PRKG1: variants seen among roughly 807,000 people sequenced by gnomAD.
The protein encoded by PRKG1 is cGMP-dependent protein kinase 1.
In PRKG1, 35 loss-of-function variants were observed where a neutral mutation model predicts 88.1. The ratio of observed to expected loss-of-function variants is 0.40; its 90% CI spans 0.30 to 0.53. The LOEUF (loss-of-function observed/expected upper bound fraction) is 0.53. Ranked by LOEUF, PRKG1 falls within the 20% of genes least tolerant of loss-of-function variation. The pLI, the probability that PRKG1 is intolerant of heterozygous loss-of-function variation, is 0.59. For missense variants in PRKG1, 540 were observed against 839.8 expected (o/e 0.64, Z 4.41); for synonymous variants, 303 against 292.5 (o/e 1.04, Z -0.37).
At chr10:51,964,277 G>A (rs528009874) in intron 5 of PRKG1, among the ~76,000 whole-genome samples, 2 of 152,134 alleles carry the variant, frequency 1.3e-5, no homozygotes, top group Admixed American at 6.6e-5. Flanking sequence ...GTAAAGTAAC[G>A]TGCATAGGTT....
At chr10:51,752,008 T>G (rs1051934000) in intron 3 of PRKG1, among the ~76,000 whole-genome samples, 12 of 152,178 alleles carry the variant, frequency 7.9e-5, no homozygotes, top group African/African-American at 2.4e-4. Flanking sequence ...AGTACAAACT[T>G]TTTTTACTGA....
At chr10:51,319,405 C>T (rs1479163286) in intron 2 of PRKG1, among the ~76,000 whole-genome samples, 6 of 152,162 alleles carry the variant, frequency 3.9e-5, no homozygotes, top group Admixed American at 2.0e-4. Flanking sequence ...CAATTTTTGG[C>T]CTGCTTTGTG....
chr10:52,054,401 T>C, intron 5 of PRKG1, 83 bp from the exon 6 acceptor site: 4 of 960,590 alleles, frequency 4.2e-6, no homozygotes, highest in Non-Finnish European at 6.6e-6. Context: ...AATATATCCC[T>C]GGGGGTTGAT....
chr10:51,169,435 A>G (rs755082850), intron 2 of PRKG1, among the ~76,000 whole-genome samples: 1 of 152,130 alleles, frequency 6.6e-6, no homozygotes, highest in Non-Finnish European at 1.5e-5. Flanking sequence ...TTGATATTTC[A>G]GCACCATTAG....
chr10:52,129,806 T>G (rs1837206992), intron 7 of PRKG1, among the ~76,000 whole-genome samples: 1 of 152,180 alleles, frequency 6.6e-6, no homozygotes, highest in African/African-American at 2.4e-5. Context: ...CTGGTTCTAT[T>G]AACAAGTAAA....
At chr10:51,942,905 C>G (rs1044663340) in intron 5 of PRKG1, among the ~76,000 whole-genome samples, 1 of 151,004 alleles carries the variant, frequency 6.6e-6, no homozygotes, top group Non-Finnish European at 1.5e-5. Flanking sequence ...CAGCTTTGTT[C>G]TTTTGGCTTA....
chr10:51,084,117 G>A (rs1844185696), intron 1 of PRKG1, among the ~76,000 whole-genome samples: 1 of 152,126 alleles, frequency 6.6e-6, no homozygotes, highest in Non-Finnish European at 1.5e-5. Context: ...ATGTAATAAG[G>A]CTACCCGGAG....
chr10:51,172,630 AT>A (rs879523194), intron 2 of PRKG1, among the ~76,000 whole-genome samples: 1,183 of 67,300 alleles, frequency 0.018, 3 homozygotes, highest in South Asian at 0.025. Flanking sequence ...GTATGTATGT[AT>A]GTATGTATGT....
intron 1 of PRKG1, among the ~76,000 whole-genome samples, chr10:51,025,130 A>G (rs187853345): frequency 1.6e-3 from 238 of 152,278 alleles, no homozygotes; most frequent in African/African-American, 5.2e-3. Context: ...TCTTTCCTAG[A>G]TGAAATCTTG....
intron 1 of PRKG1, among the ~76,000 whole-genome samples, chr10:51,047,074 G>C (rs924153744): frequency 6.6e-6 from 1 of 152,198 alleles, no homozygotes; most frequent in African/African-American, 2.4e-5. Flanking sequence ...AACAGTGAAA[G>C]GGAAATACAC....
intron 5 of PRKG1, among the ~76,000 whole-genome samples, chr10:51,923,207 A>G (rs1842499011): frequency 1.3e-5 from 2 of 151,982 alleles, no homozygotes; most frequent in African/African-American, 4.8e-5. Context: ...AAATTAATAT[A>G]GCGATTTCTC....
intron 5 of PRKG1, among the ~76,000 whole-genome samples, chr10:51,911,567 A>G (rs1433565646): frequency 2.0e-5 from 3 of 152,234 alleles, no homozygotes; most frequent in Non-Finnish European, 4.4e-5. Flanking sequence ...AAATGGAAAC[A>G]GATTATTAAG....
intron 3 of PRKG1, among the ~76,000 whole-genome samples, chr10:51,723,536 G>A (rs761650538): frequency 6.6e-6 from 1 of 152,086 alleles, no homozygotes; most frequent in Non-Finnish European, 1.5e-5. Context: ...AAAGGTTGAT[G>A]GGTGCAGCAA....
Position 51,026,046 on chromosome 10 carries a change from AAT to A in PRKG1, c.266+34406_266+34407del, listed in dbSNP as rs149770176. On this transcript the variant is annotated intron_variant, in intron 1 of 17. Coordinates refer to the PRKG1 transcript ENST00000401604. ...CTGCACCCAGAAAATATGCCATGTG[AAT>A]ATAAAAACAGAGATTGGGGTGATGT... is the stretch of plus-strand genomic sequence containing the variant. Among the ~76,000 whole-genome samples the A allele has an allele frequency of 1.6e-3, 242 of 152,212 alleles. 1 individual carries two copies. Among genetic ancestry groups the A allele is most frequent in the African/African-American group, 5.8e-3 (239 of 41,530 alleles).
intron 2 of PRKG1, among the ~76,000 whole-genome samples, chr10:51,235,114 A>T (rs895711281): frequency 1.3e-5 from 2 of 152,166 alleles, no homozygotes; most frequent in Non-Finnish European, 2.9e-5. Context: ...ACGATATTCC[A>T]TGCAGGAAGC....
At chr10:52,120,355 C>G (rs1847791401) in intron 7 of PRKG1, among the ~76,000 whole-genome samples, 1 of 152,070 alleles carries the variant, frequency 6.6e-6, no homozygotes, top group African/African-American at 2.4e-5. Flanking sequence ...CATTCCATCC[C>G]AATAGCCCCC....
intron 10 of PRKG1, among the ~76,000 whole-genome samples, chr10:52,256,518 G>T (rs956528956): frequency 2.2e-5 from 3 of 139,210 alleles, no homozygotes; most frequent in Non-Finnish European, 4.9e-5. Flanking sequence ...ATAATAATAG[G>T]ATATGTACCT....
intron 3 of PRKG1, among the ~76,000 whole-genome samples, chr10:51,789,603 G>T (rs1838814508): frequency 6.6e-6 from 1 of 152,076 alleles, no homozygotes; most frequent in Non-Finnish European, 1.5e-5. Flanking sequence ...GGAATTAAGG[G>T]CTACCCTAAA....
In PRKG1 at chr10:50,991,330, C is replaced by CCGT. The variant is rs71029335; in HGVS notation, c.-47_-46insTCG. 1 of 1,497,660 alleles carries CCGT rather than the reference C, an allele frequency of 6.7e-7. No individual in the cohort carries two copies. The highest frequency in any genetic ancestry group is 1.3e-5 in the South Asian group (1 of 78,210). The allele number at this position is 1,497,660 out of a possible 1,614,324, so 92.8% of individuals were successfully genotyped here. ...GTCCCAGCCGCCGCCGCCGCCGCCG[C>CCGT]CGCCGCCGCCGCCCGAGAAAAAGTT... On this transcript the variant is annotated 5_prime_UTR_variant, in exon 1 of 18. Transcript: ENST00000401604. The surrounding 1 kb of genome is among the most constrained non-coding windows in gnomAD (Gnocchi z 4.5).
Sources: gnomAD v4.1 joint callset for allele counts (sites outside exome capture counted in the v4.1 genomes callset) on GRCh38, gnomAD v4.1.1 for gene constraint, Gnocchi (gnomAD v3.1) non-coding constraint, MANE v1.5 for transcripts, NCBI Gene and HGNC (gene_info 2026-07-23, HGNC 2026-07-21) for gene names.